GNA14: variants seen among roughly 807,000 people sequenced by gnomAD.
GNA14 encodes the protein G protein subunit alpha 14.
In GNA14, 50 loss-of-function variants were observed where a neutral mutation model predicts 42.0. The observed-to-expected ratio is 1.19, with a 90% confidence interval of 0.95 to 1.51. The LOEUF (loss-of-function observed/expected upper bound fraction) is 1.51, where lower values mean the gene tolerates loss of function less well. GNA14 is among the 40% of genes most tolerant of loss of function. The pLI is 0.00. For missense variants in GNA14, 473 were observed against 446.2 expected, an observed-to-expected ratio of 1.06 and a Z score of -0.54; for synonymous variants, 173 against 163.1, an observed-to-expected ratio of 1.06 and a Z score of -0.46.
chr9:77,538,987 G>A (rs1290535065), intron 1 of GNA14, among the ~76,000 whole-genome samples: 2 of 152,084 alleles, frequency 1.3e-5, no homozygotes, highest in Non-Finnish European at 2.9e-5. Flanking sequence ...TTTCCAATTT[G>A]GATGCCTTTG....
chr9:77,466,558 T>G (rs1049149785), intron 2 of GNA14, among the ~76,000 whole-genome samples: 8 of 152,224 alleles, frequency 5.3e-5, no homozygotes, highest in Non-Finnish European at 1.2e-4. Context: ...ATATTCATAA[T>G]AGCTGCTTTG....
chr9:77,590,166 C>T (rs1308958972), intron 1 of GNA14, among the ~76,000 whole-genome samples: 6 of 152,192 alleles, frequency 3.9e-5, no homozygotes, highest in Non-Finnish European at 5.9e-5. Flanking sequence ...ATCCACCCCC[C>T]TCGGCCTCCC....
At chr9:77,454,667 T>C (rs1835969619) in intron 2 of GNA14, among the ~76,000 whole-genome samples, 1 of 151,718 alleles carries the variant, frequency 6.6e-6, no homozygotes, top group Admixed American at 6.6e-5. Flanking sequence ...TGCTCCTTGA[T>C]TCCATGACCT....
chr9:77,474,518 G>A (rs1366761777), intron 2 of GNA14, among the ~76,000 whole-genome samples: 1 of 152,230 alleles, frequency 6.6e-6, no homozygotes, highest in Non-Finnish European at 1.5e-5. Context: ...TGGTGAGGAT[G>A]TGGAGAAACT....
At chr9:77,457,769 C>G (rs958384493) in intron 2 of GNA14, among the ~76,000 whole-genome samples, 1 of 152,216 alleles carries the variant, frequency 6.6e-6, no homozygotes, top group Non-Finnish European at 1.5e-5. Flanking sequence ...AATGATAATT[C>G]AAGTCTAGTT....
chr9:77,486,677 C>T (rs899070732), intron 2 of GNA14, among the ~76,000 whole-genome samples: 7 of 152,076 alleles, frequency 4.6e-5, no homozygotes, highest in Non-Finnish European at 1.5e-5. Flanking sequence ...TATTAATTGG[C>T]CTAATTTCAA....
intron 2 of GNA14, among the ~76,000 whole-genome samples, chr9:77,501,141 G>A (rs2131743217): frequency 6.6e-6 from 1 of 152,246 alleles, no homozygotes; most frequent in South Asian, 2.1e-4. Context: ...TTTTAGTAGA[G>A]ATGGGGTTTC....
intron 2 of GNA14, among the ~76,000 whole-genome samples, chr9:77,480,647 G>A (rs1438212753): frequency 6.6e-6 from 1 of 152,172 alleles, no homozygotes; most frequent in African/African-American, 2.4e-5. Flanking sequence ...TTGTACATCT[G>A]GTAGAATTCG....
chr9:77,596,189 G>A (rs968751801), intron 1 of GNA14, among the ~76,000 whole-genome samples: 1 of 151,850 alleles, frequency 6.6e-6, no homozygotes, highest in East Asian at 1.9e-4. Context: ...ATTTATAGAG[G>A]TCAATAAACA....
chr9:77,578,205 T>G (rs1823159335), intron 1 of GNA14, among the ~76,000 whole-genome samples: 1 of 152,160 alleles, frequency 6.6e-6, no homozygotes, highest in Non-Finnish European at 1.5e-5. Context: ...GAACCTGGTA[T>G]GCGGAGGTTG....
At chr9:77,475,708 T>C (rs1468095025) in intron 2 of GNA14, among the ~76,000 whole-genome samples, 1 of 152,178 alleles carries the variant, frequency 6.6e-6, no homozygotes, top group Admixed American at 6.5e-5. Flanking sequence ...TAAGCAATCA[T>C]CTAGGGCACA....
chr9:77,556,214 A>T (rs1822777909), intron 1 of GNA14, among the ~76,000 whole-genome samples: 1 of 152,222 alleles, frequency 6.6e-6, no homozygotes, highest in Admixed American at 6.5e-5. Context: ...ATTGCACTAC[A>T]GTCTGGGCGA....
At chr9:77,456,779 T>A (rs1388492358) in intron 2 of GNA14, among the ~76,000 whole-genome samples, 1 of 149,980 alleles carries the variant, frequency 6.7e-6, no homozygotes. Context: ...ACAATAAATA[T>A]AATATAGTTA....
intron 2 of GNA14, among the ~76,000 whole-genome samples, chr9:77,491,906 T>C (rs959054730): frequency 1.3e-5 from 2 of 152,170 alleles, no homozygotes; most frequent in African/African-American, 4.8e-5. Context: ...ATAAACCATG[T>C]CTTAGGCTAT....
intron 1 of GNA14, among the ~76,000 whole-genome samples, chr9:77,562,876 T>A (rs1822905712): frequency 6.6e-6 from 1 of 151,878 alleles, no homozygotes; most frequent in Non-Finnish European, 1.5e-5. Flanking sequence ...CAACTCACTG[T>A]AAGTGGTCTT....
intron 2 of GNA14, among the ~76,000 whole-genome samples, chr9:77,509,756 G>A (rs1472443366): frequency 6.6e-6 from 1 of 152,002 alleles, no homozygotes; most frequent in Non-Finnish European, 1.5e-5. Context: ...AGTAATCGCG[G>A]TTTTTGTCAT....
intron 2 of GNA14, among the ~76,000 whole-genome samples, chr9:77,480,024 A>T (rs367814194): frequency 3.9e-5 from 6 of 152,162 alleles, no homozygotes; most frequent in East Asian, 1.9e-4. Flanking sequence ...CCTCTTTTCC[A>T]AATTGCATAC....
Position 77,484,129 on chromosome 9 carries a change from G to C in GNA14, c.309+44940C>G, listed in dbSNP as rs1482491355. On this transcript the variant is annotated intron_variant, in intron 2 of 6. Coordinates refer to ENST00000341700, the MANE Select transcript of GNA14 (RefSeq NM_004297.4). ...CAGAAAGAAGAAGAAATAACAACTG[G>C]AACACAGTAAAGAGGTAAAGGGAAG... Among the ~76,000 whole-genome samples, 3 of 152,112 alleles carry C rather than the reference G, an allele frequency of 2.0e-5. No individual in the cohort carries two copies. In the East Asian group the frequency reaches 5.8e-4, roughly 29 times the overall value.
chr9:77,469,421 T>C (rs921473410), intron 2 of GNA14, among the ~76,000 whole-genome samples: 1 of 150,386 alleles, frequency 6.6e-6, no homozygotes, highest in African/African-American at 2.4e-5. Context: ...TAAGAATCAA[T>C]TGTAGTTTTA....
Sources: gnomAD v4.1 joint callset for allele counts (sites outside exome capture counted in the v4.1 genomes callset) on GRCh38, gnomAD v4.1.1 for gene constraint, MANE v1.5 for transcripts, NCBI Gene and HGNC (gene_info 2026-07-23, HGNC 2026-07-21) for gene names.